Variants in SASH1 observed in about 807,000 individuals in gnomAD.
The protein encoded by SASH1 is SAM and SH3 domain containing 1.
Under a neutral mutation model 125.2 loss-of-function variants are expected in SASH1, and 44 were observed. That is an observed-to-expected ratio of 0.35 (90% CI 0.28 to 0.45). The LOEUF is 0.45. SASH1 is among the 20% of genes least tolerant of loss of function. The probability of loss-of-function intolerance (pLI) is 1.00; values close to 1 mark genes in which losing one functional copy is unlikely to be tolerated. For missense variants in SASH1, 1,426 were observed against 1,614.5 expected (o/e 0.88, Z 2.00); for synonymous variants, 639 against 649.1 (o/e 0.98, Z 0.24).
At chr6:148,456,586 C>T (rs959549625) in intron 4 of SASH1, among the ~76,000 whole-genome samples, 7 of 152,168 alleles carry the variant, frequency 4.6e-5, no homozygotes, top group East Asian at 1.9e-4. Context: ...AAATAGCAGG[C>T]GCAGTGGCTC....
intron 1 of SASH1, among the ~76,000 whole-genome samples, chr6:148,286,543 T>C (rs1240065111): frequency 6.6e-6 from 1 of 152,092 alleles, no homozygotes; most frequent in Non-Finnish European, 1.5e-5. Flanking sequence ...GAGATCCAAG[T>C]GTCAGAGATG....
Position 148,440,343 on chromosome 6 carries a change from A to T in SASH1, c.337-15A>T. ...CTGCTCTGACCACACTGACTATACG[A>T]ATCTTCTCTCGTAGGAGTCGCTTGG... On this transcript the variant is annotated splice_polypyrimidine_tract_variant and intron_variant, in intron 3 of 19. Transcript: ENST00000367467. 1 of 1,613,596 alleles carries T rather than the reference A, an allele frequency of 6.2e-7. No individual in the cohort carries two copies.
chr6:148,270,353 C>T (rs1351068031), upstream of SASH1, among the ~76,000 whole-genome samples: 2 of 144,470 alleles, frequency 1.4e-5, no homozygotes, highest in Non-Finnish European at 3.0e-5. Context: ...GCAATATATG[C>T]TTTTCCTTAC....
chr6:148,545,784 C>G (rs985276613), intron 18 of SASH1, among the ~76,000 whole-genome samples: 2 of 152,208 alleles, frequency 1.3e-5, no homozygotes, highest in Admixed American at 1.3e-4. Context: ...ATTTCAAATT[C>G]AAACTTTTGG....
chr6:148,546,012 C>A lies in SASH1; in HGVS notation c.3349-3C>A. 6.2e-7 allele frequency: 1 copy of A among 1,612,794 alleles called. No individual in the cohort carries two copies. Among genetic ancestry groups the A allele is most frequent in the African/African-American group, 1.3e-5 (1 of 74,972 alleles). ...GATGTCATATTCCTGTTCTCCCTGG[C>A]AGCATGGCCGCTGTGGGATTCCTGA... On this transcript the variant is annotated splice_polypyrimidine_tract_variant and splice_region_variant and intron_variant, in intron 18 of 19. Transcript: ENST00000367467.
intron 1 of SASH1, among the ~76,000 whole-genome samples, chr6:148,293,601 G>A (rs2493927): frequency 0.038 from 5,727 of 152,192 alleles, 138 homozygotes; most frequent in Middle Eastern, 0.068. Context: ...GACTCAGCTA[G>A]TCTGGAGGGG....
intron 1 of SASH1, among the ~76,000 whole-genome samples, chr6:148,277,000 C>A (rs998296039): frequency 1.4e-4 from 21 of 152,298 alleles, no homozygotes; most frequent in African/African-American, 4.8e-4. Context: ...CTGTTCTAAG[C>A]TCTTCAGACA....
At position 148,508,743 on chromosome 6, in the gene SASH1, G is replaced by A. The variant is rs557572453; in HGVS notation, c.730-5581G>A. ...TGTAACTCCAGAGAGACATGTTCCA[G>A]GAGTGCCTAATCTTAATTTTGAGAT... is the stretch of plus-strand genomic sequence containing the variant. On this transcript the variant is annotated intron_variant, in intron 8 of 19. Coordinates refer to ENST00000367467, the MANE Select transcript of SASH1 (RefSeq NM_015278.5). 1.7e-4 allele frequency: 209 copies of A among 1,253,168 alleles called. 5 individuals are homozygous for A. The South Asian group carries it at 2.6e-3, about 16-fold the overall frequency. The allele number at this position is 1,253,168 out of a possible 1,614,324, so 77.6% of individuals were successfully genotyped here.
intron 2 of SASH1, among the ~76,000 whole-genome samples, chr6:148,423,017 C>T (rs967992197): frequency 1.3e-5 from 2 of 152,214 alleles, no homozygotes; most frequent in African/African-American, 4.8e-5. Context: ...CGGCTTACTG[C>T]AACCTCTGCC....
chr6:148,388,103 C>T (rs1024002407), intron 1 of SASH1, among the ~76,000 whole-genome samples: 9 of 151,862 alleles, frequency 5.9e-5, no homozygotes, highest in African/African-American at 9.7e-5. Context: ...TTAGTAGAGA[C>T]GGGGTTTCTC....
chr6:148,202,597 T>C, the SASH1 span, among the ~76,000 whole-genome samples: 6 of 152,316 alleles, frequency 3.9e-5, no homozygotes, highest in South Asian at 1.2e-3. Context: ...GATTACAAAA[T>C]GTCTGGCACC....
chr6:148,510,352 G>T (rs1270530666), intron 8 of SASH1, among the ~76,000 whole-genome samples: 1 of 152,206 alleles, frequency 6.6e-6, no homozygotes, highest in Non-Finnish European at 1.5e-5. Context: ...CTGTCATACA[G>T]ATGATTGAGT....
intron 4 of SASH1, among the ~76,000 whole-genome samples, chr6:148,443,088 T>G (rs1050886074): frequency 2.0e-5 from 3 of 150,776 alleles, no homozygotes; most frequent in Non-Finnish European, 4.4e-5. Flanking sequence ...TTTGTTTTAC[T>G]AATTGTCCCA....
chr6:148,254,439 A>T, the SASH1 span, among the ~76,000 whole-genome samples: 1 of 152,212 alleles, frequency 6.6e-6, no homozygotes, highest in Admixed American at 6.6e-5. Context: ...TTATGGTCAC[A>T]CCTGTGAATA....
At chr6:148,395,098 A>G (rs1026639379) in intron 2 of SASH1, among the ~76,000 whole-genome samples, 3 of 152,232 alleles carry the variant, frequency 2.0e-5, no homozygotes, top group Admixed American at 1.3e-4. Flanking sequence ...GATTTGTTGT[A>G]TCTGCTCTAG....
At chr6:148,520,839 C>T (rs1458312816) in intron 10 of SASH1, among the ~76,000 whole-genome samples, 1 of 152,124 alleles carries the variant, frequency 6.6e-6, no homozygotes, top group African/African-American at 2.4e-5. Flanking sequence ...ATCACAGTCA[C>T]CAATTTGGTG....
intron 8 of SASH1, among the ~76,000 whole-genome samples, chr6:148,491,346 T>G (rs1474957468): frequency 6.6e-6 from 1 of 152,214 alleles, no homozygotes; most frequent in Non-Finnish European, 1.5e-5. Flanking sequence ...CTCGGCTCAC[T>G]GCAACTTCTG....
At chr6:148,469,886 C>T (rs962302750) in intron 5 of SASH1, among the ~76,000 whole-genome samples, 5 of 151,890 alleles carry the variant, frequency 3.3e-5, no homozygotes, top group Admixed American at 6.6e-5. Context: ...ATTAGCTGGG[C>T]GTGGTGGCTC....
chr6:148,389,324 A>T (rs890807625), intron 1 of SASH1, among the ~76,000 whole-genome samples: 5 of 152,174 alleles, frequency 3.3e-5, no homozygotes, highest in African/African-American at 1.2e-4. Flanking sequence ...GGCGCTATGG[A>T]GCTGGGTGGA....
Sources: allele counts gnomAD v4.1 joint callset (sites outside exome capture counted in the v4.1 genomes callset), GRCh38; gene constraint gnomAD v4.1.1; transcripts MANE v1.5; gene names NCBI Gene and HGNC (gene_info 2026-07-23, HGNC 2026-07-21).